BMPR1B: variants seen among roughly 807,000 people sequenced by gnomAD.
BMPR1B encodes the protein bone morphogenetic protein receptor type-1B.
BMPR1B carries 12 observed loss-of-function variants against 59.1 expected under a neutral mutation model. That is an observed-to-expected ratio of 0.20 (90% confidence interval 0.13 to 0.33). BMPR1B has a LOEUF of 0.33. Among genes scored for constraint, BMPR1B ranks in the 10% least tolerant of loss-of-function variants. The pLI is 1.00. For missense variants in BMPR1B, 550 were observed against 610.9 expected, an observed-to-expected ratio of 0.90 and a Z score of 1.05; for synonymous variants, 237 against 207.3, an observed-to-expected ratio of 1.14 and a Z score of -1.23.
intron 11 of BMPR1B, among the ~76,000 whole-genome samples, chr4:95,150,409 G>A (rs1734953890): frequency 6.6e-6 from 1 of 150,588 alleles, no homozygotes. Context: ...CAGGAGTTGA[G>A]GACTAGTCTG....
At chr4:94,911,220 CAATCTT>C (rs1336954565) in intron 2 of BMPR1B, among the ~76,000 whole-genome samples, 1 of 152,116 alleles carries the variant, frequency 6.6e-6, no homozygotes, top group African/African-American at 2.4e-5. Context: ...GAGTGAAACT[CAATCTT>C]AGTGAATCTG....
intron 1 of BMPR1B, among the ~76,000 whole-genome samples, chr4:94,791,762 A>G (rs1722995750): frequency 1.3e-5 from 2 of 152,162 alleles, no homozygotes; most frequent in Admixed American, 6.6e-5. Context: ...TCTTGTTTAA[A>G]TAGATAAATT....
At chr4:94,993,089 C>T (rs575307723) in intron 2 of BMPR1B, among the ~76,000 whole-genome samples, 14 of 152,152 alleles carry the variant, frequency 9.2e-5, no homozygotes, top group African/African-American at 3.4e-4. Context: ...CAAGGTCTTG[C>T]TATGTTTCCC....
In BMPR1B at chr4:95,031,063, G is replaced by T. The variant is rs181054035; in HGVS notation, c.-18+34929G>T. On this transcript the variant is annotated intron_variant, in intron 3 of 12. Coordinates refer to ENST00000515059, the MANE Select transcript of BMPR1B (RefSeq NM_001203.3). The stretch of plus-strand genomic sequence containing the variant: ...ACCAAAAAAGAGCCCGCATCGCCAA[G>T]TCAATCCTAAGCCAAAAGAACAAAG... Among the ~76,000 whole-genome samples, 444 of 152,010 alleles carry T rather than the reference G, an allele frequency of 2.9e-3. 1 individual carries two copies. The highest frequency in any genetic ancestry group is 0.01 in the African/African-American group (418 of 41,472).
At chr4:95,056,117 T>C (rs941596452) in intron 3 of BMPR1B, among the ~76,000 whole-genome samples, 1 of 152,088 alleles carries the variant, frequency 6.6e-6, no homozygotes, top group South Asian at 2.1e-4. Context: ...AACAATTATC[T>C]TAATCAGCTA....
At chr4:95,089,995 C>G (rs1195576171) in intron 3 of BMPR1B, among the ~76,000 whole-genome samples, 2 of 152,038 alleles carry the variant, frequency 1.3e-5, no homozygotes, top group Non-Finnish European at 2.9e-5. Context: ...GAATACCATT[C>G]TTCTTTCATT....
chr4:95,127,889 A>AT lies in BMPR1B; in HGVS notation c.586-1960dup, dbSNP rs556277617. Among the ~76,000 whole-genome samples the AT allele has an allele frequency of 1.2e-3, 169 of 144,730 alleles. 1 individual carries two copies. Among genetic ancestry groups the AT allele is most frequent in the Admixed American group, 3.2e-3 (46 of 14,330 alleles). The allele number at this position is 144,730 out of a possible 152,430, so 94.9% of individuals were successfully genotyped here. Reference sequence around the variant, plus strand: ...AAATGTTCATGCCCTAATCCCCAGGATTTTTTTTTTTTTAAGACAAGGTCT... The same window carrying AT: ...AAATGTTCATGCCCTAATCCCCAGGATTTTTTTTTTTTTTAAGACAAGGTCT... On this transcript the variant is annotated intron_variant, in intron 8 of 12. Transcript: ENST00000515059.
chr4:94,883,132 T>A (rs1278207229), intron 2 of BMPR1B, among the ~76,000 whole-genome samples: 1 of 152,154 alleles, frequency 6.6e-6, no homozygotes, highest in Non-Finnish European at 1.5e-5. Context: ...GAAAAGTGAC[T>A]GAGCTCACCT....
chr4:94,972,354 A>C (rs1363409969), intron 2 of BMPR1B, among the ~76,000 whole-genome samples: 3 of 152,116 alleles, frequency 2.0e-5, no homozygotes, highest in African/African-American at 7.2e-5. Context: ...TCATTTTAAT[A>C]CATTTGAAAA....
intron 2 of BMPR1B, among the ~76,000 whole-genome samples, chr4:94,968,546 G>T (rs1730647913): frequency 6.6e-6 from 1 of 152,082 alleles, no homozygotes; most frequent in African/African-American, 2.4e-5. Flanking sequence ...GTGTTTATGG[G>T]GGAATATTGG....
At chr4:95,001,918 G>T (rs1433123848) in intron 3 of BMPR1B, among the ~76,000 whole-genome samples, 1 of 152,086 alleles carries the variant, frequency 6.6e-6, no homozygotes, top group East Asian at 1.9e-4. Flanking sequence ...TAATATTAAG[G>T]TCTCTGGTAA....
chr4:95,108,389 C>G (rs1433849160), intron 4 of BMPR1B, among the ~76,000 whole-genome samples: 1 of 152,060 alleles, frequency 6.6e-6, no homozygotes, highest in Non-Finnish European at 1.5e-5. Context: ...TTGTACCACC[C>G]AGATCTTAGT....
intron 1 of BMPR1B, among the ~76,000 whole-genome samples, chr4:94,818,838 TTTTC>T (rs1335560173): frequency 6.6e-6 from 1 of 152,156 alleles, no homozygotes; most frequent in Non-Finnish European, 1.5e-5. Flanking sequence ...GCCTGTTTAA[TTTTC>T]TCTTATAGGC....
chr4:94,892,531 G>A (rs75457472), intron 2 of BMPR1B, among the ~76,000 whole-genome samples: 4,816 of 151,944 alleles, frequency 0.032, 141 homozygotes, highest in African/African-American at 0.077. Context: ...GTACTGTACC[G>A]GGAGCTGAAG....
In BMPR1B at chr4:95,114,923, G is replaced by A. The variant is rs533940615; in HGVS notation, c.246+101G>A. 1.5e-4 allele frequency: 163 copies of A among 1,121,248 alleles called. 1 individual carries two copies. The South Asian group carries it at 1.8e-3, about 13-fold the overall frequency. The allele number at this position is 1,121,248 out of a possible 1,614,324, so 69.5% of individuals were successfully genotyped here. A position where few individuals can be genotyped will look rare whatever the true frequency, so the allele number is the denominator to read the frequency against. The stretch of plus-strand genomic sequence containing the variant: ...CTTTTTCTTGGCCAGCCCATTTTTA[G>A]TATAGTCATGAGCTGCACAAAAACA... On this transcript the variant is annotated intron_variant, in intron 5 of 12. Coordinates refer to ENST00000515059, the MANE Select transcript of BMPR1B (RefSeq NM_001203.3).
chr4:94,904,264 A>T (rs1311253138), intron 2 of BMPR1B, among the ~76,000 whole-genome samples: 1 of 152,032 alleles, frequency 6.6e-6, no homozygotes, highest in Non-Finnish European at 1.5e-5. Context: ...CTGTGTAGTC[A>T]TATGACTTAC....
intron 10 of BMPR1B, among the ~76,000 whole-genome samples, chr4:95,131,882 A>G (rs557170318): frequency 1.1e-4 from 16 of 152,376 alleles, no homozygotes; most frequent in African/African-American, 2.9e-4. Flanking sequence ...TTTATATGGT[A>G]TAGGAAAGAT....
rs535543082 is a variant in BMPR1B at position 94,855,723 on chromosome 4, G to C, written c.-182-20108G>C. Among the ~76,000 whole-genome samples, 27 of 152,272 alleles carry C rather than the reference G, an allele frequency of 1.8e-4. No homozygotes were observed. In the South Asian group the frequency reaches 5.4e-3, roughly 30 times the overall value. On this transcript the variant is annotated intron_variant, in intron 1 of 12. Transcript: ENST00000515059. ...GATATTTGTGACTTCTAGATAAACA[G>C]TGCCTTCTAGTCTCCTGTGTATTAT... is the stretch of plus-strand genomic sequence containing the variant.
At chr4:94,805,764 T>G (rs943993665) in intron 1 of BMPR1B, among the ~76,000 whole-genome samples, 1 of 152,174 alleles carries the variant, frequency 6.6e-6, no homozygotes, top group Non-Finnish European at 1.5e-5. Context: ...ATCCTGGCTT[T>G]TAACCTACAA....
Sources: gnomAD v4.1 joint callset for allele counts (sites outside exome capture counted in the v4.1 genomes callset) on GRCh38, gnomAD v4.1.1 for gene constraint, MANE v1.5 for transcripts, NCBI Gene and HGNC (gene_info 2026-07-23, HGNC 2026-07-21) for gene names.